KRT20: variants seen among roughly 807,000 people sequenced by gnomAD.
KRT20 encodes the protein keratin 20.
In KRT20, 41 loss-of-function variants were observed where a neutral mutation model predicts 43.0. The observed-to-expected ratio is 0.95, with a 90% CI of 0.74 to 1.24. The LOEUF is 1.24. Among genes scored for constraint, KRT20 ranks in the 50% most tolerant of loss-of-function variants. KRT20 has a pLI of 0.00. For synonymous variants in KRT20, 207 were observed against 200.6 expected, an observed-to-expected ratio of 1.03 and a Z score of -0.27; for missense variants, 533 against 521.2, an observed-to-expected ratio of 1.02 and a Z score of -0.22.
rs1243658617 is a variant in KRT20 at position 40,885,240 on chromosome 17, T to C, written c.-55A>G. ...TTCAGGATGGTTGGGGCAGAGTGTGTCTCATGGAGGGTGTTGAGCTAGCCT... is the reference window on the plus strand; with the variant it reads ...TTCAGGATGGTTGGGGCAGAGTGTGCCTCATGGAGGGTGTTGAGCTAGCCT... On this transcript the variant is annotated 5_prime_UTR_variant, in exon 1 of 8. Coordinates refer to ENST00000167588, the MANE Select transcript of KRT20 (RefSeq NM_019010.3). The C allele has an allele frequency of 2.0e-6, 3 of 1,494,844 alleles. No individual in the cohort carries two copies. In the African/African-American group the frequency reaches 4.2e-5, roughly 21 times the overall value. 92.6% of individuals were successfully genotyped at this position (1,494,844 alleles called of 1,614,324 possible). A position where few individuals can be genotyped will look rare whatever the true frequency, so the allele number is the denominator to read the frequency against.
rs1907441406 is a variant in KRT20, at chr17:40,878,348, G to T, written c.936C>A (p.His312Gln). The T allele has an allele frequency of 2.5e-6, 4 of 1,613,798 alleles. No homozygotes were observed. Among genetic ancestry groups the T allele is most frequent in the Non-Finnish European group, 3.4e-6 (4 of 1,179,810 alleles). Residue 312 changes from histidine (H) to glutamine (Q), a missense_variant, in exon 6 of 8, where the codon CAC becomes CAA. Coordinates refer to ENST00000167588, the MANE Select transcript of KRT20 (RefSeq NM_019010.3). Reference sequence around the variant, plus strand: ...AACGGGCCTTGGTCTCCTCTAGAGTGTGCTCCAAAGACTCTTTCTATGAGC... The same window carrying T: ...AACGGGCCTTGGTCTCCTCTAGAGTTTGCTCCAAAGACTCTTTCTATGAGC... Reference protein sequence around the residue: ...SHLSMKESLEHTLEETKARYS... With the variant: ...SHLSMKESLEQTLEETKARYS...
Position 40,884,910 on chromosome 17 carries a change from C to T in KRT20, c.276G>A (p.Glu92=). 1.2e-6 allele frequency: 2 copies of T among 1,614,234 alleles called. No individual in the cohort carries two copies. Among genetic ancestry groups the T allele is most frequent in the Non-Finnish European group, 1.7e-6 (2 of 1,180,052 alleles). ...ASYLEKVRTL[E]QSNSKLEVQI... ...GCACTTCAAGTTTGGAGTTGGACTG[C>T]TCCAGGGTCCGCACCTTTTCTAGGT... Residue 92 remains glutamate (E), a synonymous_variant, in exon 1 of 8, where the codon GAG becomes GAA. Transcript: ENST00000167588.
At position 40,885,015 on chromosome 17, in the gene KRT20, G is replaced by A. The variant is rs142087896; in HGVS notation, c.171C>T (p.Ser57=). The change falls in exon 1 of 8, where the codon AGC becomes AGT. Residue 57 remains serine (S), a synonymous_variant. Coordinates refer to ENST00000167588, the MANE Select transcript of KRT20 (RefSeq NM_019010.3). ...SNSRHTVNYG[S]DLTGGGDLFV... ...ACAGGTCCCCGCCGCCTGTGAGATC[G>A]CTCCCATAGTTCACCGTGTGTCTGG... 2 of 1,614,144 alleles carry A rather than the reference G, an allele frequency of 1.2e-6. No homozygotes were observed. The highest frequency in any genetic ancestry group is 1.7e-4 in the Middle Eastern group (1 of 6,060).
At chr17:40,879,559 G>A (rs2524306) in intron 5 of KRT20, among the ~76,000 whole-genome samples, 101,885 of 151,780 alleles carry the variant, frequency 0.67, 35,637 homozygotes, top group East Asian at 0.99. Context: ...AAAGTTACAA[G>A]AAGATCTGGT....
Position 40,884,893 on chromosome 17 carries a change from A to G in KRT20, c.293T>C (p.Leu98Pro). ...GTACCACTGCTTGATTTGCACTTCA[A>G]GTTTGGAGTTGGACTGCTCCAGGGT... ...VRTLEQSNSKLEVQIKQWYET... is the reference protein window; with the variant it reads ...VRTLEQSNSKPEVQIKQWYET... Residue 98 changes from leucine (L) to proline (P), a missense_variant, in exon 1 of 8, where the codon CTT (leucine) becomes CCT (proline). Physicochemically the swap from Leu to Pro is moderately conservative, Grantham distance 98. Coordinates refer to ENST00000167588, the MANE Select transcript of KRT20 (RefSeq NM_019010.3). 4.3e-6 allele frequency: 7 copies of G among 1,614,170 alleles called. No individual in the cohort carries two copies. Among genetic ancestry groups the G allele is most frequent in the Non-Finnish European group, 5.9e-6 (7 of 1,180,036 alleles).
intron 7 of KRT20, among the ~76,000 whole-genome samples, chr17:40,876,827 C>A (rs1907368291): frequency 6.6e-6 from 1 of 152,166 alleles, no homozygotes; most frequent in South Asian, 2.1e-4. Context: ...TGGAGGGTTT[C>A]TTTATGCCAT....
Position 40,879,874 on chromosome 17 carries a change from AGTT to A in KRT20, c.854_856del (p.Gln285del). 4.3e-6 allele frequency: 7 copies of A among 1,613,668 alleles called. No individual in the cohort carries two copies. Among genetic ancestry groups the A allele is most frequent in the Non-Finnish European group, 5.9e-6 (7 of 1,179,952 alleles). ...CTGGGAGGTGCGTCTCAGCTCCGTT[AGTT>A]GAACCTCAGTTCCTTTTAATTCTTC... On this transcript the variant is annotated inframe_deletion, in exon 5 of 8. Coordinates refer to ENST00000167588, the MANE Select transcript of KRT20 (RefSeq NM_019010.3).
chr17:40,883,461 C>G (rs904323495), intron 1 of KRT20, among the ~76,000 whole-genome samples: 1 of 152,188 alleles, frequency 6.6e-6, no homozygotes, highest in Admixed American at 6.5e-5. Context: ...ATCCCTGTAT[C>G]CTCATAAATC....
Position 40,876,112 on chromosome 17 carries a change from A to G in KRT20, c.*249T>C. 2.7e-6 allele frequency: 1 copy of G among 370,886 alleles called. No individual in the cohort carries two copies. Among genetic ancestry groups the G allele is most frequent in the Non-Finnish European group, 4.9e-6 (1 of 205,978 alleles). 23.0% of individuals were successfully genotyped at this position (370,886 alleles called of 1,614,324 possible). A position where few individuals can be genotyped will look rare whatever the true frequency, so the allele number is the denominator to read the frequency against. ...TGATGTGCTTCATGATAAAGATGGC[A>G]GTAATGATGTTTTAAATATTCTAGT... is the stretch of plus-strand genomic sequence containing the variant. On this transcript the variant is annotated 3_prime_UTR_variant, in exon 8 of 8. Coordinates refer to ENST00000167588, the MANE Select transcript of KRT20 (RefSeq NM_019010.3).
chr17:40,879,228 C>T (rs1907480741), intron 5 of KRT20, among the ~76,000 whole-genome samples: 1 of 152,160 alleles, frequency 6.6e-6, no homozygotes, highest in South Asian at 2.1e-4. Flanking sequence ...TGGCTGCAGG[C>T]CACTGTGGTT....
Position 40,882,588 on chromosome 17 carries a change from C to A in KRT20, c.457G>T (p.Glu153Ter). ...GGAACCTACTTCAGTCTGAAGTCCT[C>A]AGCAGCCAGTTTAGCATTATCAATT... is the stretch of plus-strand genomic sequence containing the variant. ...LQIDNAKLAA[E>*]DFRLKYETER... The change falls in exon 2 of 8, where the codon GAG becomes TAG. Residue 153 changes from glutamate (E) to a stop codon, truncating the protein, a stop_gained. Transcript: ENST00000167588. LOFTEE classifies it high-confidence loss of function. 6.4e-7 allele frequency: 1 copy of A among 1,570,514 alleles called. No homozygotes were observed. Among genetic ancestry groups the A allele is most frequent in the Non-Finnish European group, 8.6e-7 (1 of 1,156,428 alleles).
At chr17:40,877,114 CA>C (rs889313117) in intron 7 of KRT20, among the ~76,000 whole-genome samples, 5 of 152,170 alleles carry the variant, frequency 3.3e-5, no homozygotes, top group African/African-American at 1.2e-4. Context: ...TTCTCATGGA[CA>C]CTCTTTTGCA....
At chr17:40,884,699 G>T (rs1359628282) in intron 1 of KRT20, 97 bp downstream of exon 1, 12 of 1,359,920 alleles carry the variant, frequency 8.8e-6, no homozygotes, top group Admixed American at 2.3e-5. Flanking sequence ...AGCCTAATTT[G>T]CTTTACAAAG....
chr17:40,877,454 C>G, intron 6 of KRT20, 37 bp from the exon 7 acceptor site: 1 of 1,327,958 alleles, frequency 7.5e-7, no homozygotes, highest in East Asian at 2.6e-5. Context: ...AAAAAAGAAA[C>G]AGAAAAAAGC....
Position 40,882,022 on chromosome 17 carries a change from G to A in KRT20, c.473+550C>T, listed in dbSNP as rs115430732. Among the ~76,000 whole-genome samples, 696 of 152,066 alleles carry A rather than the reference G, an allele frequency of 4.6e-3. 5 individuals carry two copies. The highest frequency in any genetic ancestry group is 0.016 in the African/African-American group (659 of 41,468). On this transcript the variant is annotated intron_variant, in intron 2 of 7. Coordinates refer to ENST00000167588, the MANE Select transcript of KRT20 (RefSeq NM_019010.3). ...GGAGTAGCTGGGATTACAGACATAC[G>A]GCATCACGCCCAGCTAATTATTATA...
chr17:40,882,498 G>A (rs928381436), intron 2 of KRT20, 74 bp downstream of exon 2: 2 of 670,940 alleles, frequency 3.0e-6, no homozygotes, highest in Non-Finnish European at 2.4e-6. Context: ...CAATGATATG[G>A]AAAGCTGAGT....
At chr17:40,880,026 A>G in intron 4 of KRT20, 74 bp downstream of exon 4, 2 of 1,595,306 alleles carry the variant, frequency 1.3e-6, no homozygotes, top group East Asian at 4.5e-5. Flanking sequence ...GAACAAATGA[A>G]AAAGAAAATG....
rs371347231 is a variant in KRT20, at chr17:40,882,871, G to A, written c.391-217C>T. Among the ~76,000 whole-genome samples, 13 of 152,000 alleles carry A rather than the reference G, an allele frequency of 8.6e-5. No individual in the cohort carries two copies. In the East Asian group the frequency reaches 1.5e-3, roughly 18 times the overall value. ...GTTACAGGCATCCGCCACCATGCCC[G>A]GCTAATTTTTGCATTTTTAGTAGAG... On this transcript the variant is annotated intron_variant, in intron 1 of 7. Coordinates refer to ENST00000167588, the MANE Select transcript of KRT20 (RefSeq NM_019010.3).
rs1597852948 is a variant in KRT20 at position 40,882,401 on chromosome 17, T to C, written c.473+171A>G. 14 of 309,716 alleles carry C rather than the reference T, an allele frequency of 4.5e-5. No individual in the cohort carries two copies. The East Asian group carries it at 7.4e-4, about 16-fold the overall frequency. The allele number at this position is 309,716 out of a possible 1,614,324, so 19.2% of individuals were successfully genotyped here. The stretch of plus-strand genomic sequence containing the variant: ...GGATCAAGAAAGAGAAGGCCATCCC[T>C]GAGTGCTGGGTTAGCTTCATACATG... On this transcript the variant is annotated intron_variant, in intron 2 of 7. Coordinates refer to ENST00000167588, the MANE Select transcript of KRT20 (RefSeq NM_019010.3).
Sources: allele counts gnomAD v4.1 joint callset (sites outside exome capture counted in the v4.1 genomes callset), GRCh38; gene constraint gnomAD v4.1.1; transcripts MANE v1.5; gene names NCBI Gene and HGNC (gene_info 2026-07-23, HGNC 2026-07-21).